The following LCLAT1 variants were observed in gnomAD, a reference collection of about 807,000 sequenced individuals.
The protein encoded by LCLAT1 is lysocardiolipin acyltransferase 1.
Under a neutral mutation model 30.7 loss-of-function variants are expected in LCLAT1, and 11 were observed. The ratio of observed to expected loss-of-function variants is 0.36; its 90% CI spans 0.23 to 0.59. The LOEUF (loss-of-function observed/expected upper bound fraction) is 0.59. Ranked by LOEUF, LCLAT1 falls within the 20% of genes least tolerant of loss-of-function variation. The pLI is 0.77. For missense variants in LCLAT1, 402 were observed against 458.6 expected, an observed-to-expected ratio of 0.88 and a Z score of 1.13; for synonymous variants, 155 against 151.3, an observed-to-expected ratio of 1.02 and a Z score of -0.18.
intron 3 of LCLAT1, among the ~76,000 whole-genome samples, chr2:30,553,167 A>C (rs1314478708): frequency 6.6e-6 from 1 of 152,200 alleles, no homozygotes; most frequent in Admixed American, 6.5e-5. Flanking sequence ...GAAAAAAAAA[A>C]GTTGTGAAAA....
Position 30,642,736 on chromosome 2 carries a change from C to G in LCLAT1, c.*2117C>G, listed in dbSNP as rs1040063827. ...TTTTGTTCCTTTTCATCATAGAAAA[C>G]ATGTTTAAGATAAAATACAAACTTT... On this transcript the variant is annotated 3_prime_UTR_variant, in exon 6 of 6. Transcript: ENST00000379509. 6.7e-6 allele frequency: 1 copy of G among 149,226 alleles called. No individual in the cohort carries two copies. The highest frequency in any genetic ancestry group is 2.5e-5 in the African/African-American group (1 of 40,282). The allele number at this position is 149,226 out of a possible 1,614,324, so 9.2% of individuals were successfully genotyped here. A position where few individuals can be genotyped will look rare whatever the true frequency, so the allele number is the denominator to read the frequency against.
intron 1 of LCLAT1, among the ~76,000 whole-genome samples, chr2:30,509,691 A>G (rs1252637): frequency 0.93 from 141,604 of 151,984 alleles, 66,086 homozygotes; most frequent in East Asian, 1. Context: ...TCAGCTTCCC[A>G]AGTAGCTGGG....
intron 4 of LCLAT1, among the ~76,000 whole-genome samples, chr2:30,563,338 T>A (rs1665328864): frequency 6.6e-6 from 1 of 152,224 alleles, no homozygotes; most frequent in Non-Finnish European, 1.5e-5. Context: ...TTTTTGCAGA[T>A]GAAGCCTTCT....
chr2:30,461,766 T>C (rs1682140019), intron 1 of LCLAT1, among the ~76,000 whole-genome samples: 1 of 144,832 alleles, frequency 6.9e-6, no homozygotes, highest in Admixed American at 7.0e-5. Flanking sequence ...TTTTCTAAAT[T>C]AAACTTTTTT....
chr2:30,561,680 A>G (rs1012233910), intron 3 of LCLAT1, among the ~76,000 whole-genome samples: 2 of 152,222 alleles, frequency 1.3e-5, no homozygotes, highest in Non-Finnish European at 2.9e-5. Context: ...AGTTGGATTT[A>G]GAGACTTGAG....
At chr2:30,595,984 T>C (rs1666912500) in intron 5 of LCLAT1, among the ~76,000 whole-genome samples, 1 of 152,230 alleles carries the variant, frequency 6.6e-6, no homozygotes. Context: ...CTCCTGTTGA[T>C]GACAACATAG....
At chr2:30,561,100 C>T (rs540473858) in intron 3 of LCLAT1, among the ~76,000 whole-genome samples, 65 of 152,248 alleles carry the variant, frequency 4.3e-4, no homozygotes, top group Non-Finnish European at 6.3e-4. Context: ...TGCCACCACG[C>T]CTGGCTAATT....
intron 1 of LCLAT1, among the ~76,000 whole-genome samples, chr2:30,475,717 C>A (rs1239388380): frequency 1.3e-5 from 2 of 152,122 alleles, no homozygotes; most frequent in African/African-American, 4.8e-5. Context: ...GTGATTCTTT[C>A]TGATACAGTT....
intron 5 of LCLAT1, among the ~76,000 whole-genome samples, chr2:30,587,349 G>A (rs1170824856): frequency 1.3e-5 from 2 of 152,038 alleles, no homozygotes; most frequent in East Asian, 1.9e-4. Flanking sequence ...TTGAGACTGC[G>A]GGACGCAACA....
intron 1 of LCLAT1, among the ~76,000 whole-genome samples, chr2:30,509,047 GT>G (rs1422671476): frequency 2.6e-5 from 4 of 152,038 alleles, no homozygotes; most frequent in African/African-American, 7.2e-5. Context: ...ATGGGATTGG[GT>G]TTTTGATTTG....
intron 5 of LCLAT1, among the ~76,000 whole-genome samples, chr2:30,627,862 C>G (rs1197858176): frequency 1.3e-5 from 2 of 151,862 alleles, no homozygotes; most frequent in Non-Finnish European, 2.9e-5. Context: ...ATGATTTTTA[C>G]CAAAACTCAG....
chr2:30,572,146 T>C (rs1403415978), intron 5 of LCLAT1, among the ~76,000 whole-genome samples: 3 of 152,216 alleles, frequency 2.0e-5, no homozygotes, highest in Non-Finnish European at 2.9e-5. Context: ...GGAATTCATA[T>C]TGTTTCTTTG....
intron 5 of LCLAT1, among the ~76,000 whole-genome samples, chr2:30,628,330 A>G (rs1398817936): frequency 6.6e-6 from 1 of 152,238 alleles, no homozygotes; most frequent in Non-Finnish European, 1.5e-5. Flanking sequence ...AGGATATAAA[A>G]TTGCCAATTC....
chr2:30,473,921 A>T lies in LCLAT1; in HGVS notation c.-5+26538A>T, dbSNP rs180964261. ...GGCTTGTTTATTAGTTTACATGGGC[A>T]GTGGACCTTTCCAGTCCAATTCACT... On this transcript the variant is annotated intron_variant, in intron 1 of 5. Coordinates refer to ENST00000379509, the MANE Select transcript of LCLAT1 (RefSeq NM_001002257.3). Among the ~76,000 whole-genome samples the T allele has an allele frequency of 7.9e-4, 120 of 152,350 alleles. 1 individual carries two copies. The highest frequency in any genetic ancestry group is 2.5e-4 in the Non-Finnish European group (17 of 68,030).
At chr2:30,490,744 A>G (rs1001041593) in intron 1 of LCLAT1, among the ~76,000 whole-genome samples, 1 of 152,210 alleles carries the variant, frequency 6.6e-6, no homozygotes, top group Non-Finnish European at 1.5e-5. Context: ...TGGAAGTTTT[A>G]AAGATTTGAT....
At chr2:30,553,423 C>G (rs181947374) in intron 3 of LCLAT1, among the ~76,000 whole-genome samples, 1 of 152,262 alleles carries the variant, frequency 6.6e-6, no homozygotes, top group Non-Finnish European at 1.5e-5. Flanking sequence ...GGAGCTATGC[C>G]AGTATATATA....
At chr2:30,564,951 C>T (rs1665408450) in intron 4 of LCLAT1, among the ~76,000 whole-genome samples, 1 of 152,110 alleles carries the variant, frequency 6.6e-6, no homozygotes, top group African/African-American at 2.4e-5. Context: ...GAAGTATGCA[C>T]AAAACTTGCT....
chr2:30,458,639 G>A (rs1478990041), intron 1 of LCLAT1, among the ~76,000 whole-genome samples: 1 of 152,184 alleles, frequency 6.6e-6, no homozygotes, highest in African/African-American at 2.4e-5. Context: ...TGGGAGTGGA[G>A]AGTGATGGTG....
intron 3 of LCLAT1, among the ~76,000 whole-genome samples, chr2:30,561,495 G>T (rs554063336): frequency 8.5e-5 from 13 of 152,252 alleles, no homozygotes; most frequent in Non-Finnish European, 1.3e-4. Flanking sequence ...TGGGGAGATG[G>T]CTGGTCATCT....
Sources: allele counts gnomAD v4.1 joint callset (sites outside exome capture counted in the v4.1 genomes callset), GRCh38; gene constraint gnomAD v4.1.1; transcripts MANE v1.5; gene names NCBI Gene and HGNC (gene_info 2026-07-23, HGNC 2026-07-21).